The following DNAAF5 variants were observed in gnomAD, a reference collection of about 807,000 sequenced individuals.
DNAAF5 encodes HEAT repeat containing 2.
A neutral mutation model predicts 75.8 loss-of-function variants in DNAAF5; 64 were observed. The ratio of observed to expected loss-of-function variants is 0.84; its 90% CI spans 0.69 to 1.04. The LOEUF (loss-of-function observed/expected upper bound fraction) is 1.04. DNAAF5 is among the 50% of genes least tolerant of loss of function. The probability of loss-of-function intolerance (pLI) is 0.00; values close to 1 mark genes in which losing one functional copy is unlikely to be tolerated. For synonymous variants in DNAAF5, 657 were observed against 557.2 expected (o/e 1.18, Z -2.52); for missense variants, 1,269 against 1,178.5 (o/e 1.08, Z -1.12).
At chr7:769,850 A>G (rs1404703268) in intron 8 of DNAAF5, among the ~76,000 whole-genome samples, 3 of 152,356 alleles carry the variant, frequency 2.0e-5, no homozygotes, top group Non-Finnish European at 4.4e-5. Context: ...CATGTTGGTC[A>G]GGCTGGTCTC....
At chr7:743,916 ATTAT>A (rs769056537) in intron 4 of DNAAF5, among the ~76,000 whole-genome samples, 15 of 148,316 alleles carry the variant, frequency 1.0e-4, no homozygotes, top group South Asian at 2.1e-4. Context: ...TTATTTTTTT[ATTAT>A]TTATTATTTA....
chr7:759,344 C>T (rs1782576282), intron 6 of DNAAF5, among the ~76,000 whole-genome samples: 1 of 152,160 alleles, frequency 6.6e-6, no homozygotes, highest in African/African-American at 2.4e-5. Context: ...GTCTCGGGCC[C>T]AGTAGGTCCC....
rs1782410043 is a variant in DNAAF5 at position 754,176 on chromosome 7, G to GT, written c.1025-407dup. 6.6e-6 allele frequency among the ~76,000 whole-genome samples: 1 copy of GT among 152,210 alleles called. No homozygotes were observed. Among genetic ancestry groups the GT allele is most frequent in the Admixed American group, 6.5e-5 (1 of 15,288 alleles). On this transcript the variant is annotated intron_variant, in intron 4 of 12. Coordinates refer to ENST00000297440, the MANE Select transcript of DNAAF5 (RefSeq NM_017802.4). The surrounding 1 kb of genome is among the most constrained non-coding windows in gnomAD (Gnocchi z 4.8). ...CATCTCTGTGTGGCTCTAAATGTTT[G>GT]TTTTTTGAGACAGGGTCTCGCTCTG... is the stretch of plus-strand genomic sequence containing the variant.
At chr7:740,755 C>T (rs1162513061) in intron 2 of DNAAF5, 64 bp from the exon 3 acceptor site, 22 of 1,598,218 alleles carry the variant, frequency 1.4e-5, no homozygotes, top group East Asian at 6.7e-5. Flanking sequence ...AGAGCCGCAC[C>T]GTGGCGTCAG....
At chr7:753,943 C>T (rs928963501) in intron 4 of DNAAF5, among the ~76,000 whole-genome samples, 1 of 138,906 alleles carries the variant, frequency 7.2e-6, no homozygotes. Flanking sequence ...CATATGGGGA[C>T]GGCTTCGCAG....
chr7:753,918 G>A (rs567047718), intron 4 of DNAAF5, among the ~76,000 whole-genome samples: 5 of 133,482 alleles, frequency 3.7e-5, no homozygotes, highest in African/African-American at 1.1e-4. Context: ...CTTCGCAGGC[G>A]TGTGTCTCTC....
intron 8 of DNAAF5, among the ~76,000 whole-genome samples, chr7:765,771 G>T (rs1441316710): frequency 6.6e-6 from 1 of 152,188 alleles, no homozygotes; most frequent in Admixed American, 6.5e-5. Context: ...TACGATCACA[G>T]CTCACTGTAG....
chr7:752,587 G>A lies in DNAAF5; in HGVS notation c.1025-2002G>A, dbSNP rs78270849. ...GAGTGACGACGAAGCCTTCGTGACC[G>A]CGGGCCAGGCCACGCTTCCCTGGGT... On this transcript the variant is annotated intron_variant, in intron 4 of 12. Coordinates refer to ENST00000297440, the MANE Select transcript of DNAAF5 (RefSeq NM_017802.4). Among the ~76,000 whole-genome samples the A allele has an allele frequency of 4.1e-3, 495 of 121,510 alleles. 2 individuals are homozygous for A. The highest frequency in any genetic ancestry group is 0.012 in the African/African-American group (398 of 33,052). The allele number at this position is 121,510 out of a possible 152,430, so 79.7% of individuals were successfully genotyped here. A position where few individuals can be genotyped will look rare whatever the true frequency, so the allele number is the denominator to read the frequency against.
intron 1 of DNAAF5, among the ~76,000 whole-genome samples, chr7:729,117 C>T (rs1781473932): frequency 1.3e-5 from 2 of 152,068 alleles, no homozygotes; most frequent in Admixed American, 1.3e-4. Context: ...CTGCCTCAGC[C>T]TCCCAAGTAG....
rs1159963851 is a variant in DNAAF5 at position 756,762 on chromosome 7, C to G, written c.1258-20C>G. ...ACCCTCGGGTTTGGCTCTGAGTTTT[C>G]TCATGTTTCTTTCTCGCAGTGTACC... On this transcript the variant is annotated intron_variant, in intron 5 of 12. Transcript: ENST00000297440. The G allele has an allele frequency of 6.2e-6, 10 of 1,609,308 alleles. No homozygotes were observed. The highest frequency in any genetic ancestry group is 1.3e-5 in the African/African-American group (1 of 74,986).
At chr7:755,813 T>C (rs1246364861) in intron 5 of DNAAF5, among the ~76,000 whole-genome samples, 1 of 152,254 alleles carries the variant, frequency 6.6e-6, no homozygotes, top group Admixed American at 6.5e-5. Flanking sequence ...GTCATGTTTC[T>C]GCTTTTCAAA....
intron 4 of DNAAF5, among the ~76,000 whole-genome samples, chr7:743,550 T>C (rs1781988087): frequency 1.6e-5 from 1 of 62,082 alleles, no homozygotes; most frequent in African/African-American, 4.8e-5. Context: ...ACAGTTGCTG[T>C]ACAGGGAAAG....
intron 12 of DNAAF5, 81 bp from the exon 13 acceptor site, chr7:785,436 C>A (rs1779115286): frequency 2.0e-6 from 3 of 1,530,408 alleles, no homozygotes; most frequent in Non-Finnish European, 2.7e-6. Flanking sequence ...TTGAACTTCA[C>A]TACAAAGCCA....
In DNAAF5 at chr7:785,552, C is replaced by G; in HGVS notation, c.2467C>G (p.Leu823Val). Reference sequence around the variant, plus strand: ...AGAGGGCAGCGGGCTGTTCCCAGATCTCCTGGTGAGGGAGACGGAGGCCGT... The same window carrying G: ...AGAGGGCAGCGGGCTGTTCCCAGATGTCCTGGTGAGGGAGACGGAGGCCGT... ...LKEGSGLFPD[L>V]LVRETEAVIH... Residue 823 changes from leucine to valine, a missense_variant, in exon 13 of 13, where the codon CTC (leucine) becomes GTC (valine). Leu to Val is a conservative substitution (Grantham distance 32). Coordinates refer to ENST00000297440, the MANE Select transcript of DNAAF5 (RefSeq NM_017802.4). 1 of 1,613,704 alleles carries G rather than the reference C, an allele frequency of 6.2e-7. No homozygotes were observed. Among genetic ancestry groups the G allele is most frequent in the Non-Finnish European group, 8.5e-7 (1 of 1,180,026 alleles).
chr7:764,021 C>T (rs1460738890), intron 8 of DNAAF5, 47 bp downstream of exon 8: 1 of 1,588,242 alleles, frequency 6.3e-7, no homozygotes, highest in African/African-American at 1.3e-5. Context: ...CCCACTCAGG[C>T]TACACACCTG....
rs1392695111 is a variant in DNAAF5, at chr7:768,605, G to A, written c.1784-1866G>A. ...ACGTGGCCCAGGCGGAAGTGTCCACGCCTACCTCGAGCAGGAGCGCTCATG... is the reference window on the plus strand; with the variant it reads ...ACGTGGCCCAGGCGGAAGTGTCCACACCTACCTCGAGCAGGAGCGCTCATG... On this transcript the variant is annotated intron_variant, in intron 8 of 12. Coordinates refer to ENST00000297440, the MANE Select transcript of DNAAF5 (RefSeq NM_017802.4). 3.2e-5 allele frequency: 5 copies of A among 154,614 alleles called. No individual in the cohort carries two copies. The East Asian group carries it at 5.7e-4, about 18-fold the overall frequency. 9.6% of individuals were successfully genotyped at this position (154,614 alleles called of 1,614,324 possible).
At position 726,908 on chromosome 7, in the gene DNAAF5, C is replaced by T. The variant is rs1781321616; in HGVS notation, c.188C>T (p.Ala63Val). The T allele has an allele frequency of 7.4e-7, 1 of 1,345,294 alleles. No individual in the cohort carries two copies. The allele number at this position is 1,345,294 out of a possible 1,614,324, so 83.3% of individuals were successfully genotyped here. Reference sequence around the variant, plus strand: ...CGCGCGCTGGAGGAGCCAGGCCCTGCCGCCGACCCCACCGCTTTCCAGGGC... The same window carrying T: ...CGCGCGCTGGAGGAGCCAGGCCCTGTCGCCGACCCCACCGCTTTCCAGGGC... The part of the protein sequence containing the change: ...LRRALEEPGP[A>V]ADPTAFQGPW... Residue 63 changes from alanine (A) to valine (V), a missense_variant, in exon 1 of 13, where the codon GCC becomes GTC. By Grantham distance (64) the Ala-to-Val change is moderately conservative. Transcript: ENST00000297440.
intron 2 of DNAAF5, among the ~76,000 whole-genome samples, chr7:732,127 G>C (rs1332353050): frequency 1.3e-5 from 2 of 152,260 alleles, no homozygotes; most frequent in East Asian, 1.9e-4. Context: ...AGCACAGCCA[G>C]GTGAGCCTCA....
intron 9 of DNAAF5, chr7:770,842 C>G: frequency 2.0e-6 from 1 of 488,656 alleles, no homozygotes; most frequent in Non-Finnish European, 3.7e-6. Context: ...CGGGGGTCCC[C>G]ACCTCCCTCC....
Sources: gnomAD v4.1 joint callset for allele counts (sites outside exome capture counted in the v4.1 genomes callset) on GRCh38, gnomAD v4.1.1 for gene constraint, Gnocchi (gnomAD v3.1) non-coding constraint, MANE v1.5 for transcripts, NCBI Gene and HGNC (gene_info 2026-07-23, HGNC 2026-07-21) for gene names.